PTPRK: variants seen among roughly 807,000 people sequenced by gnomAD.
PTPRK encodes the protein receptor-type tyrosine-protein phosphatase kappa.
PTPRK carries 75 observed loss-of-function variants against 178.0 expected under a neutral mutation model. That is an observed-to-expected ratio of 0.42 (90% CI 0.35 to 0.51). The LOEUF is 0.51. Ranked by LOEUF, PTPRK falls within the 20% of genes least tolerant of loss-of-function variation. The pLI is 0.02. For missense variants in PTPRK, 1,441 were observed against 1,797.8 expected (o/e 0.80, Z 3.59); for synonymous variants, 637 against 620.6 (o/e 1.03, Z -0.39).
intron 14 of PTPRK, among the ~76,000 whole-genome samples, chr6:128,005,493 C>T (rs1220689136): frequency 6.6e-6 from 1 of 151,202 alleles, no homozygotes. Flanking sequence ...CTCATCATTT[C>T]CTGTTCTCTT....
intron 6 of PTPRK, among the ~76,000 whole-genome samples, chr6:128,196,015 G>A (rs1804794820): frequency 6.6e-6 from 1 of 152,050 alleles, no homozygotes; most frequent in Non-Finnish European, 1.5e-5. Flanking sequence ...TGGAGTCACT[G>A]ACTTTAGGTA....
chr6:128,162,199 T>G (rs1798804640), intron 7 of PTPRK, among the ~76,000 whole-genome samples: 1 of 151,714 alleles, frequency 6.6e-6, no homozygotes, highest in African/African-American at 2.4e-5. Context: ...TACAAGCAGA[T>G]GAACCTTTTT....
chr6:128,152,625 G>T (rs1192165546), intron 7 of PTPRK, among the ~76,000 whole-genome samples: 1 of 151,824 alleles, frequency 6.6e-6, no homozygotes, highest in Non-Finnish European at 1.5e-5. Context: ...GAAATCAAAG[G>T]GTCTGAGCAG....
chr6:128,160,187 G>A (rs1798498389), intron 7 of PTPRK, among the ~76,000 whole-genome samples: 1 of 151,642 alleles, frequency 6.6e-6, no homozygotes, highest in Non-Finnish European at 1.5e-5. Context: ...AATCAAAAAT[G>A]TACAGTAATA....
intron 2 of PTPRK, among the ~76,000 whole-genome samples, chr6:128,351,348 A>G (rs1266061590): frequency 1.3e-5 from 2 of 152,210 alleles, no homozygotes; most frequent in Non-Finnish European, 2.9e-5. Flanking sequence ...TAAACAGGAC[A>G]TGTTCAGACA....
At chr6:128,176,033 G>A (rs181765956) in intron 7 of PTPRK, among the ~76,000 whole-genome samples, 35 of 151,868 alleles carry the variant, frequency 2.3e-4, no homozygotes, top group Admixed American at 7.2e-4. Flanking sequence ...GGAGAGAGAT[G>A]GAGAAGCAGG....
At chr6:128,044,838 T>C (rs562656554) in intron 13 of PTPRK, among the ~76,000 whole-genome samples, 11 of 152,064 alleles carry the variant, frequency 7.2e-5, no homozygotes, top group Non-Finnish European at 1.3e-4. Flanking sequence ...TATGTGTGTG[T>C]GTATATATAT....
At chr6:128,478,378 T>C (rs915502050) in intron 1 of PTPRK, among the ~76,000 whole-genome samples, 1 of 152,082 alleles carries the variant, frequency 6.6e-6, no homozygotes, top group African/African-American at 2.4e-5. Flanking sequence ...ACACCTCAAG[T>C]ACTGCTTGGT....
chr6:128,401,756 T>C (rs1584540572), intron 1 of PTPRK, among the ~76,000 whole-genome samples: 1 of 152,204 alleles, frequency 6.6e-6, no homozygotes, highest in South Asian at 2.1e-4. Flanking sequence ...GCTGAAGATA[T>C]GAAGCATTTT....
Position 127,992,690 on chromosome 6 carries a change from T to C in PTPRK, c.2864A>G (p.His955Arg). Residue 955 changes from histidine (H) to arginine (R), a missense_variant, in exon 19 of 30, where the codon CAT (histidine) becomes CGT (arginine). Transcript: ENST00000368226. ...AGTTTTACCTTGGGTTGCAATGTAA[T>C]GACTTGGTCTCTGGTAGCCCTAAAA... is the stretch of plus-strand genomic sequence containing the variant. ...NYIDGYQRPS[H>R]YIATQGPVHE... The C allele has an allele frequency of 1.9e-6, 3 of 1,585,116 alleles. No homozygotes were observed. The highest frequency in any genetic ancestry group is 2.6e-6 in the Non-Finnish European group (3 of 1,167,808).
intron 7 of PTPRK, among the ~76,000 whole-genome samples, chr6:128,126,261 C>T (rs1793361346): frequency 6.6e-6 from 1 of 152,090 alleles, no homozygotes; most frequent in Non-Finnish European, 1.5e-5. Flanking sequence ...TGTTCCCCTC[C>T]CTGTGTCCAT....
At chr6:128,520,154 G>A (rs989134648) in intron 1 of PTPRK, 105 bp downstream of exon 1, 5 of 1,013,702 alleles carry the variant, frequency 4.9e-6, no homozygotes, top group Non-Finnish European at 7.2e-6. Flanking sequence ...CCCGGACAGA[G>A]AGAGCTCCCC....
At chr6:128,342,814 T>C (rs1004405520) in intron 2 of PTPRK, among the ~76,000 whole-genome samples, 9 of 152,142 alleles carry the variant, frequency 5.9e-5, no homozygotes, top group African/African-American at 2.2e-4. Flanking sequence ...AAGCCATGCA[T>C]AGTAGCACAC....
intron 2 of PTPRK, among the ~76,000 whole-genome samples, chr6:128,353,599 G>A (rs1488355481): frequency 6.6e-6 from 1 of 152,020 alleles, no homozygotes; most frequent in East Asian, 1.9e-4. Context: ...AACCCAAAAG[G>A]TACATAGTAC....
chr6:127,976,888 A>G, intron 26 of PTPRK, 35 bp downstream of exon 26: 2 of 1,613,144 alleles, frequency 1.2e-6, no homozygotes, highest in East Asian at 2.2e-5. Flanking sequence ...ATTAAGTTGT[A>G]TATAAGTACA....
At chr6:128,374,259 G>C (rs143263338) in intron 2 of PTPRK, among the ~76,000 whole-genome samples, 18 of 151,864 alleles carry the variant, frequency 1.2e-4, no homozygotes, top group Admixed American at 5.3e-4. Context: ...TGCATGTGTC[G>C]GTCCTTGCAA....
At chr6:128,012,919 T>C (rs916186421) in intron 13 of PTPRK, among the ~76,000 whole-genome samples, 5 of 150,350 alleles carry the variant, frequency 3.3e-5, no homozygotes, top group Non-Finnish European at 7.5e-5. Flanking sequence ...TCATTAGTGC[T>C]TTCTTTCTTT....
intron 13 of PTPRK, among the ~76,000 whole-genome samples, chr6:128,024,461 TA>T (rs1773982917): frequency 6.6e-6 from 1 of 152,216 alleles, no homozygotes; most frequent in South Asian, 2.1e-4. Context: ...ATGATAAATG[TA>T]AATTTAGCAC....
At chr6:128,317,199 A>T (rs997012215) in intron 3 of PTPRK, among the ~76,000 whole-genome samples, 7 of 152,204 alleles carry the variant, frequency 4.6e-5, no homozygotes, top group Admixed American at 3.9e-4. Flanking sequence ...AAAAATGGGA[A>T]ATAATATTGC....
Sources: gnomAD v4.1 joint callset for allele counts (sites outside exome capture counted in the v4.1 genomes callset) on GRCh38, gnomAD v4.1.1 for gene constraint, MANE v1.5 for transcripts, NCBI Gene and HGNC (gene_info 2026-07-23, HGNC 2026-07-21) for gene names.